The following RAP1A variants were observed in gnomAD, a reference collection of about 807,000 sequenced individuals.
RAP1A encodes ras-related protein Rap-1A.
Under a neutral mutation model 26.4 loss-of-function variants are expected in RAP1A, and 6 were observed. The ratio of observed to expected loss-of-function variants is 0.23; its 90% CI spans 0.12 to 0.45. The LOEUF (loss-of-function observed/expected upper bound fraction) is 0.45. RAP1A is among the 20% of genes least tolerant of loss of function. The pLI is 0.99. For missense variants in RAP1A, 121 were observed against 217.2 expected (o/e 0.56, Z 2.78); for synonymous variants, 73 against 79.4 (o/e 0.92, Z 0.43).
At chr1:111,660,830 G>T (rs10776734) in intron 1 of RAP1A, among the ~76,000 whole-genome samples, 8,453 of 152,086 alleles carry the variant, frequency 0.056, 256 homozygotes, top group East Asian at 0.065. Flanking sequence ...TCCAATTATA[G>T]TGCCCTACTT....
At chr1:111,603,039 AC>A (rs1187880032) in intron 1 of RAP1A, among the ~76,000 whole-genome samples, 1 of 152,104 alleles carries the variant, frequency 6.6e-6, no homozygotes, top group Non-Finnish European at 1.5e-5. Flanking sequence ...CAAGCACCCA[AC>A]CATCAAACTC....
chr1:111,693,545 A>G (rs1461357965), intron 2 of RAP1A, among the ~76,000 whole-genome samples: 1 of 152,194 alleles, frequency 6.6e-6, no homozygotes, highest in Non-Finnish European at 1.5e-5. Flanking sequence ...TGTCCCTGAA[A>G]ATTAAGACAG....
chr1:111,646,833 A>C (rs1039431482), intron 1 of RAP1A, among the ~76,000 whole-genome samples: 2 of 152,302 alleles, frequency 1.3e-5, no homozygotes, highest in African/African-American at 4.8e-5. Flanking sequence ...GCCACCGCGC[A>C]CAGACGAGTG....
chr1:111,702,287 A>G (rs543184682), intron 4 of RAP1A, among the ~76,000 whole-genome samples: 3 of 152,240 alleles, frequency 2.0e-5, no homozygotes, highest in South Asian at 4.1e-4. Context: ...ATATTCTGCC[A>G]TATGTGCTTT....
At chr1:111,692,771 A>G (rs1661708764) in intron 2 of RAP1A, among the ~76,000 whole-genome samples, 1 of 152,208 alleles carries the variant, frequency 6.6e-6, no homozygotes, top group South Asian at 2.1e-4. Flanking sequence ...TTTGTGTTTT[A>G]TATTTAAAAA....
At chr1:111,629,067 C>T (rs1457396420) in intron 1 of RAP1A, among the ~76,000 whole-genome samples, 4 of 152,030 alleles carry the variant, frequency 2.6e-5, no homozygotes, top group African/African-American at 7.2e-5. Flanking sequence ...TGAAATTCTT[C>T]TGCATGTGGT....
chr1:111,542,802 T>G (rs1656886963), intron 1 of RAP1A, among the ~76,000 whole-genome samples: 1 of 152,138 alleles, frequency 6.6e-6, no homozygotes, highest in South Asian at 2.1e-4. Flanking sequence ...GTTCAAGTGA[T>G]TCTCCTGCCT....
At chr1:111,701,643 A>T (rs1662027404) in intron 4 of RAP1A, among the ~76,000 whole-genome samples, 1 of 152,202 alleles carries the variant, frequency 6.6e-6, no homozygotes, top group Admixed American at 6.5e-5. Context: ...GGCATTCTCA[A>T]TAGGAGGGAA....
intron 1 of RAP1A, among the ~76,000 whole-genome samples, chr1:111,613,141 G>A (rs1557865478): frequency 6.7e-6 from 1 of 148,320 alleles, no homozygotes; most frequent in Non-Finnish European, 1.5e-5. Flanking sequence ...CTTTTTTGGT[G>A]AAAACGTAGG....
At chr1:111,690,545 G>A (rs773835211) in intron 1 of RAP1A, among the ~76,000 whole-genome samples, 1 of 152,182 alleles carries the variant, frequency 6.6e-6, no homozygotes, top group Non-Finnish European at 1.5e-5. Context: ...CATTTCTTTT[G>A]CATCTCAGAA....
chr1:111,580,857 A>C (rs12740329), intron 1 of RAP1A, among the ~76,000 whole-genome samples: 2 of 42,282 alleles, frequency 4.7e-5, no homozygotes, highest in Non-Finnish European at 1.8e-4. Context: ...AAACAAAAAA[A>C]CAAAAAACAA....
intron 1 of RAP1A, among the ~76,000 whole-genome samples, chr1:111,684,976 C>A (rs1056829711): frequency 6.6e-6 from 1 of 152,122 alleles, no homozygotes; most frequent in East Asian, 1.9e-4. Context: ...AGAAATAACA[C>A]CACATATCTA....
At chr1:111,683,278 C>A (rs1241367322) in intron 1 of RAP1A, among the ~76,000 whole-genome samples, 1 of 151,970 alleles carries the variant, frequency 6.6e-6, no homozygotes, top group Non-Finnish European at 1.5e-5. Flanking sequence ...CAAGAGCAAA[C>A]AAATTCAAAA....
rs1461760786 is a variant in RAP1A at position 111,714,229 on chromosome 1, G to A, written c.*1828G>A. 1 of 152,146 alleles carries A rather than the reference G, an allele frequency of 6.6e-6. No individual in the cohort carries two copies. Among genetic ancestry groups the A allele is most frequent in the African/African-American group, 2.4e-5 (1 of 41,442 alleles). 9.4% of individuals were successfully genotyped at this position (152,146 alleles called of 1,614,324 possible). ...TCCAATTATGCATATGTCTGGGATT[G>A]AGGGGCCAAAACTATAGCGAACTTG... On this transcript the variant is annotated 3_prime_UTR_variant, in exon 8 of 8. Coordinates refer to ENST00000369709, the MANE Select transcript of RAP1A (RefSeq NM_002884.4).
intron 1 of RAP1A, among the ~76,000 whole-genome samples, chr1:111,596,759 G>A (rs867794719): frequency 6.6e-6 from 1 of 152,170 alleles, no homozygotes; most frequent in African/African-American, 2.4e-5. Context: ...TGGTAGAAGG[G>A]GTGAGGAAAC....
intron 1 of RAP1A, among the ~76,000 whole-genome samples, chr1:111,636,598 C>A (rs925480948): frequency 6.6e-6 from 1 of 151,894 alleles, no homozygotes; most frequent in African/African-American, 2.4e-5. Flanking sequence ...ATTTTCCTGC[C>A]TCAGCCTTCT....
intron 1 of RAP1A, among the ~76,000 whole-genome samples, chr1:111,579,705 C>T (rs1658214331): frequency 6.6e-6 from 1 of 152,202 alleles, no homozygotes; most frequent in African/African-American, 2.4e-5. Context: ...CTACCTTAGA[C>T]AAACTCATAA....
At chr1:111,673,399 G>A (rs1661032710) in intron 1 of RAP1A, among the ~76,000 whole-genome samples, 1 of 152,118 alleles carries the variant, frequency 6.6e-6, no homozygotes, top group Non-Finnish European at 1.5e-5. Context: ...AGTTCTACAG[G>A]AGAAACTTTT....
At chr1:111,603,645 G>T (rs552294661) in intron 1 of RAP1A, among the ~76,000 whole-genome samples, 2 of 151,904 alleles carry the variant, frequency 1.3e-5, no homozygotes, top group African/African-American at 2.4e-5. Context: ...TCCCAAGTTC[G>T]GGGCATGACC....
Sources: gnomAD v4.1 joint callset for allele counts (sites outside exome capture counted in the v4.1 genomes callset) on GRCh38, gnomAD v4.1.1 for gene constraint, MANE v1.5 for transcripts, NCBI Gene and HGNC (gene_info 2026-07-23, HGNC 2026-07-21) for gene names.